The following TRIM24 variants were observed in gnomAD, a reference collection of about 807,000 sequenced individuals.
TRIM24 encodes the protein tripartite motif containing 24.
TRIM24 carries 29 observed loss-of-function variants against 123.9 expected under a neutral mutation model. The observed-to-expected ratio is 0.23, with a 90% CI of 0.17 to 0.32. The LOEUF (loss-of-function observed/expected upper bound fraction) is 0.32. Among genes scored for constraint, TRIM24 ranks in the 10% least tolerant of loss-of-function variants. The probability of loss-of-function intolerance (pLI) is 1.00; values close to 1 mark genes in which losing one functional copy is unlikely to be tolerated. For missense variants in TRIM24, 932 were observed against 1,295.3 expected (o/e 0.72, Z 4.31); for synonymous variants, 456 against 461.1 (o/e 0.99, Z 0.14).
chr7:138,573,173 T>A (rs1797691087), intron 11 of TRIM24, among the ~76,000 whole-genome samples: 1 of 152,238 alleles, frequency 6.6e-6, no homozygotes, highest in African/African-American at 2.4e-5. Context: ...ATTGTGATAG[T>A]CTTCTCACCA....
Position 138,551,029 on chromosome 7 carries a change from C to T in TRIM24, c.1144-34C>T, listed in dbSNP as rs751944004. On this transcript the variant is annotated intron_variant, in intron 7 of 18. Coordinates refer to ENST00000343526, the MANE Select transcript of TRIM24 (RefSeq NM_015905.3). ...TACTGGGCGCTTAATAAATTATTTG[C>T]CTAATATTTAGTTATCTCTCCTTTT... 14 of 1,556,680 alleles carry T rather than the reference C, an allele frequency of 9.0e-6. No individual in the cohort carries two copies. In the South Asian group the frequency reaches 1.6e-4, roughly 17 times the overall value.
chr7:138,575,663 T>C (rs138844116), intron 12 of TRIM24, among the ~76,000 whole-genome samples: 1 of 152,266 alleles, frequency 6.6e-6, no homozygotes, highest in African/African-American at 2.4e-5. Flanking sequence ...TTCCTACTTG[T>C]TACTGTTTAG....
chr7:138,535,729 A>G (rs184160784), intron 6 of TRIM24, among the ~76,000 whole-genome samples: 3,311 of 152,122 alleles, frequency 0.022, 102 homozygotes, highest in African/African-American at 0.073. Context: ...TCTTTGTGGC[A>G]TTCTCCGTAT....
At chr7:138,462,401 C>T (rs1465662612) in intron 1 of TRIM24, among the ~76,000 whole-genome samples, 3 of 141,894 alleles carry the variant, frequency 2.1e-5, no homozygotes, top group Admixed American at 1.5e-4. Context: ...AGTGCAGTGG[C>T]GCGATCTCGG....
intron 2 of TRIM24, among the ~76,000 whole-genome samples, chr7:138,507,924 A>T (rs1409601885): frequency 6.6e-6 from 1 of 151,300 alleles, no homozygotes; most frequent in African/African-American, 2.4e-5. Flanking sequence ...ACAGAGTGAG[A>T]CCCTATCTCA....
chr7:138,580,747 GT>G, intron 16 of TRIM24, 53 bp downstream of exon 16: 1 of 1,521,258 alleles, frequency 6.6e-7, no homozygotes, highest in Non-Finnish European at 8.9e-7. Flanking sequence ...TTGTACTGTG[GT>G]ACCTTTTGTC....
At chr7:138,499,520 A>G (rs2116516952) in intron 1 of TRIM24, among the ~76,000 whole-genome samples, 1 of 152,316 alleles carries the variant, frequency 6.6e-6, no homozygotes, top group East Asian at 1.9e-4. Context: ...TTGTCTGTGG[A>G]TCGCAGCTAA....
In TRIM24 at chr7:138,543,937, C is replaced by T. The variant is rs148758590; in HGVS notation, c.1143+5134C>T. Among the ~76,000 whole-genome samples the T allele has an allele frequency of 2.1e-3, 326 of 152,184 alleles. 2 individuals are homozygous for T. Among genetic ancestry groups the T allele is most frequent in the African/African-American group, 7.6e-3 (317 of 41,512 alleles). ...GCAGCCTCAAACTTGTAGGCTCAAG[C>T]GAGCCTTTTGCCTCAGTTCCCCAAG... On this transcript the variant is annotated intron_variant, in intron 7 of 18. Transcript: ENST00000343526.
At chr7:138,556,022 C>T (rs1797310014) in intron 9 of TRIM24, among the ~76,000 whole-genome samples, 1 of 152,138 alleles carries the variant, frequency 6.6e-6, no homozygotes, top group African/African-American at 2.4e-5. Context: ...ACTTCTATGA[C>T]TACCTTTATT....
intron 4 of TRIM24, among the ~76,000 whole-genome samples, chr7:138,523,936 CGGA>C (rs1796557968): frequency 6.6e-6 from 1 of 151,740 alleles, no homozygotes; most frequent in South Asian, 2.1e-4. Context: ...TTCCAAGAAA[CGGA>C]AAATAAGTAG....
At chr7:138,497,817 AG>A (rs1159122477) in intron 1 of TRIM24, among the ~76,000 whole-genome samples, 1 of 151,084 alleles carries the variant, frequency 6.6e-6, no homozygotes, top group Admixed American at 6.6e-5. Flanking sequence ...CAGCCTCCCA[AG>A]TAGCTGGGAC....
intron 1 of TRIM24, among the ~76,000 whole-genome samples, chr7:138,494,187 G>A (rs181049368): frequency 6.6e-6 from 1 of 152,092 alleles, no homozygotes; most frequent in East Asian, 2.0e-4. Context: ...TCACCATGTT[G>A]GCCAGTCTGG....
chr7:138,569,373 T>G (rs970266985), intron 10 of TRIM24, among the ~76,000 whole-genome samples: 9 of 152,182 alleles, frequency 5.9e-5, no homozygotes, highest in African/African-American at 2.2e-4. Flanking sequence ...AAATTGCTTT[T>G]AAGTAGTAGA....
chr7:138,527,122 C>CT (rs1348957557), intron 5 of TRIM24, among the ~76,000 whole-genome samples: 1 of 151,980 alleles, frequency 6.6e-6, no homozygotes, highest in Non-Finnish European at 1.5e-5. Context: ...TTTTCAGCAC[C>CT]TTTATAGACC....
At chr7:138,561,580 T>A (rs1797428984) in intron 9 of TRIM24, among the ~76,000 whole-genome samples, 1 of 152,198 alleles carries the variant, frequency 6.6e-6, no homozygotes, top group Admixed American at 6.5e-5. Context: ...GTCAGCTTCC[T>A]GTGCTAATAG....
At chr7:138,461,623 T>C (rs1794974758) in intron 1 of TRIM24, among the ~76,000 whole-genome samples, 1 of 152,242 alleles carries the variant, frequency 6.6e-6, no homozygotes, top group Non-Finnish European at 1.5e-5. Context: ...AGCTGGAAGT[T>C]ACTGTTCTCT....
At chr7:138,564,708 C>T (rs1374942699) in intron 9 of TRIM24, among the ~76,000 whole-genome samples, 3 of 152,144 alleles carry the variant, frequency 2.0e-5, no homozygotes, top group African/African-American at 7.2e-5. Flanking sequence ...AATACATGGC[C>T]AATTGTTTCC....
At chr7:138,552,220 A>G (rs1048690704) in intron 8 of TRIM24, among the ~76,000 whole-genome samples, 2 of 152,204 alleles carry the variant, frequency 1.3e-5, no homozygotes, top group African/African-American at 4.8e-5. Context: ...GTAGGTTTAC[A>G]TAAGTAAACT....
chr7:138,568,276 C>T lies in TRIM24; in HGVS notation c.1704+622C>T, dbSNP rs1027266136. Among the ~76,000 whole-genome samples the T allele has an allele frequency of 9.3e-5, 14 of 150,906 alleles. No homozygotes were observed. In the East Asian group the frequency reaches 2.0e-3, roughly 21 times the overall value. The stretch of plus-strand genomic sequence containing the variant: ...CTGAGACTACAGGTACTCGCCACCA[C>T]GCCCAGCTAATTTTTTTTGTATTTT... On this transcript the variant is annotated intron_variant, in intron 10 of 18. Transcript: ENST00000343526.
Sources: gnomAD v4.1 joint callset for allele counts (sites outside exome capture counted in the v4.1 genomes callset) on GRCh38, gnomAD v4.1.1 for gene constraint, MANE v1.5 for transcripts, NCBI Gene and HGNC (gene_info 2026-07-23, HGNC 2026-07-21) for gene names.